USP21: variants seen among roughly 807,000 people sequenced by gnomAD.
USP21 encodes ubiquitin carboxyl-terminal hydrolase 21.
In USP21, 37 loss-of-function variants were observed where a neutral mutation model predicts 70.8. The ratio of observed to expected loss-of-function variants is 0.52; its 90% CI spans 0.40 to 0.69. The LOEUF (loss-of-function observed/expected upper bound fraction) is 0.69. Among genes scored for constraint, USP21 ranks in the 30% least tolerant of loss-of-function variants. The pLI, the probability that USP21 is intolerant of heterozygous loss-of-function variation, is 0.00. For synonymous variants in USP21, 263 were observed against 283.1 expected (o/e 0.93, Z 0.71); for missense variants, 584 against 740.8 (o/e 0.79, Z 2.46).
rs140487526 is a variant in USP21 at position 161,160,658 on chromosome 1, G to A, written c.18G>A (p.Glu6=). The A allele has an allele frequency of 9.4e-5, 152 of 1,613,290 alleles. No homozygotes were observed. Among genetic ancestry groups the A allele is most frequent in the Non-Finnish European group, 9.4e-5 (111 of 1,179,452 alleles). Residue 6 remains glutamate (E), a synonymous_variant, in exon 3 of 14, where the codon GAG becomes GAA. Coordinates refer to ENST00000368002, the MANE Select transcript of USP21 (RefSeq NM_001014443.3). MPQAS[E]HRLGRTREPP... is the part of the protein sequence containing the mutation. ...TGTCCACAATGCCCCAGGCCTCTGA[G>A]CACCGCCTGGGCCGTACCCGAGAGC...
chr1:161,165,162 T>G lies in USP21; in HGVS notation c.1607+19T>G. On this transcript the variant is annotated intron_variant, in intron 13 of 13. Coordinates refer to ENST00000368002, the MANE Select transcript of USP21 (RefSeq NM_001014443.3). ...ACTCTCGGTGAGAATAGCCTCCTAT[T>G]TACATCCTGCCCCATTCCCACTCAG... is the stretch of plus-strand genomic sequence containing the variant. 6.2e-7 allele frequency: 1 copy of G among 1,605,328 alleles called. No homozygotes were observed. The highest frequency in any genetic ancestry group is 8.5e-7 in the Non-Finnish European group (1 of 1,172,936).
In USP21 at chr1:161,164,720, C is replaced by G; in HGVS notation, c.1384+108C>G. 6.2e-7 allele frequency: 1 copy of G among 1,601,450 alleles called. No individual in the cohort carries two copies. The highest frequency in any genetic ancestry group is 8.5e-7 in the Non-Finnish European group (1 of 1,171,922). ...TTCCTTAGGAAAAGTCTGCCACCCA[C>G]TTTTCCACAAGATGCTCCCAGTGTG... is the stretch of plus-strand genomic sequence containing the variant. On this transcript the variant is annotated intron_variant, in intron 11 of 13. Coordinates refer to ENST00000368002, the MANE Select transcript of USP21 (RefSeq NM_001014443.3). This position sits in a 1 kb window ranked among gnomAD's most constrained non-coding sequence, Gnocchi z 4.2.
Position 161,162,689 on chromosome 1 carries a change from G to C in USP21, c.856G>C (p.Val286Leu). 1.2e-6 allele frequency: 2 copies of C among 1,614,146 alleles called. No homozygotes were observed. The highest frequency in any genetic ancestry group is 1.7e-6 in the Non-Finnish European group (2 of 1,179,984). ...TGTGAATCCTACTCGATTCCGAGCT[G>C]TCTTCCAGAAATATGTTCCCTCCTT... Reference protein sequence around the residue: ...EAVNPTRFRAVFQKYVPSFSG... With the variant: ...EAVNPTRFRALFQKYVPSFSG... The change falls in exon 6 of 14, where the codon GTC becomes CTC. Residue 286 changes from valine to leucine, a missense_variant. Transcript: ENST00000368002. This position sits in a 1 kb window ranked among gnomAD's most constrained non-coding sequence, Gnocchi z 4.1.
In USP21 at chr1:161,161,392, C is replaced by G. The variant is rs1355725533; in HGVS notation, c.600+152C>G. On this transcript the variant is annotated intron_variant, in intron 3 of 13. Coordinates refer to ENST00000368002, the MANE Select transcript of USP21 (RefSeq NM_001014443.3). This position sits in a 1 kb window ranked among gnomAD's most constrained non-coding sequence, Gnocchi z 4.2. ...CATGCCTCTCCCTTGCTTAAATACC[C>G]TTGAGCCTCCTAGACCCTTTTTTGG... The G allele has an allele frequency of 2.0e-6, 2 of 996,870 alleles. No individual in the cohort carries two copies. The highest frequency in any genetic ancestry group is 2.6e-5 in the East Asian group (1 of 39,050). 61.8% of individuals were successfully genotyped at this position (996,870 alleles called of 1,614,324 possible).
chr1:161,165,301 G>A (rs954951407), intron 13 of USP21, 56 bp from the exon 14 acceptor site: 4 of 1,548,188 alleles, frequency 2.6e-6, no homozygotes, highest in African/African-American at 2.7e-5. Flanking sequence ...GTCTTGTAGG[G>A]AGAAGGGAGT....
chr1:161,164,142 C>T lies in USP21; in HGVS notation c.1219-22C>T, dbSNP rs781505270. 6.2e-7 allele frequency: 1 copy of T among 1,612,354 alleles called. No homozygotes were observed. ...AAAAGGAAATTCAGAACATGTTGACCTTTCTTCCCCTTTTCCCCCAGAAAG... is the reference window on the plus strand; with the variant it reads ...AAAAGGAAATTCAGAACATGTTGACTTTTCTTCCCCTTTTCCCCCAGAAAG... On this transcript the variant is annotated intron_variant, in intron 9 of 13. Coordinates refer to ENST00000368002, the MANE Select transcript of USP21 (RefSeq NM_001014443.3). This position sits in a 1 kb window ranked among gnomAD's most constrained non-coding sequence, Gnocchi z 4.2.
chr1:161,161,395 G>A lies in USP21; in HGVS notation c.600+155G>A. The A allele has an allele frequency of 3.1e-6, 3 of 964,956 alleles. 1 individual carries two copies. The East Asian group carries it at 7.8e-5, about 25-fold the overall frequency. The allele number at this position is 964,956 out of a possible 1,614,324, so 59.8% of individuals were successfully genotyped here. A position where few individuals can be genotyped will look rare whatever the true frequency, so the allele number is the denominator to read the frequency against. Reference sequence around the variant, plus strand: ...GCCTCTCCCTTGCTTAAATACCCTTGAGCCTCCTAGACCCTTTTTTGGGTT... The same window carrying A: ...GCCTCTCCCTTGCTTAAATACCCTTAAGCCTCCTAGACCCTTTTTTGGGTT... On this transcript the variant is annotated intron_variant, in intron 3 of 13. Coordinates refer to ENST00000368002, the MANE Select transcript of USP21 (RefSeq NM_001014443.3). This position sits in a 1 kb window ranked among gnomAD's most constrained non-coding sequence, Gnocchi z 4.2.
In USP21 at chr1:161,160,900, G is replaced by A. The variant is rs776218601; in HGVS notation, c.260G>A (p.Gly87Glu). The A allele has an allele frequency of 1.9e-6, 3 of 1,614,214 alleles. No individual in the cohort carries two copies. Among genetic ancestry groups the A allele is most frequent in the Non-Finnish European group, 1.7e-6 (2 of 1,180,032 alleles). ...AGAGGCCCCCTTCGAGCAGATCATGGGGTTCCCCTGCCTGGCTCACCACCC... is the reference window on the plus strand; with the variant it reads ...AGAGGCCCCCTTCGAGCAGATCATGAGGTTCCCCTGCCTGGCTCACCACCC... Reference protein sequence around the residue: ...RPRGPLRADHGVPLPGSPPPT... With the variant: ...RPRGPLRADHEVPLPGSPPPT... The change falls in exon 3 of 14, where the codon GGG becomes GAG. Residue 87 changes from glycine to glutamate, a missense_variant. Physicochemically the swap from Gly to Glu is moderately conservative, Grantham distance 98. Transcript: ENST00000368002.
In USP21 at chr1:161,162,667, G is replaced by A. The variant is rs896162583; in HGVS notation, c.834G>A (p.Val278=). ...GGCACCCTGACTCCTGCGAAGCTGT[G>A]AATCCTACTCGATTCCGAGCTGTCT... ...ALWHPDSCEA[V]NPTRFRAVFQ... The change falls in exon 6 of 14, where the codon GTG becomes GTA. Residue 278 remains valine, a synonymous_variant. Coordinates refer to ENST00000368002, the MANE Select transcript of USP21 (RefSeq NM_001014443.3). This position sits in a 1 kb window ranked among gnomAD's most constrained non-coding sequence, Gnocchi z 4.1. 1.2e-6 allele frequency: 2 copies of A among 1,614,172 alleles called. No homozygotes were observed. Among genetic ancestry groups the A allele is most frequent in the South Asian group, 1.1e-5 (1 of 91,072 alleles).
rs1277152586 is a variant in USP21, at chr1:161,161,696, G to A, written c.601-342G>A. On this transcript the variant is annotated intron_variant, in intron 3 of 13. Coordinates refer to ENST00000368002, the MANE Select transcript of USP21 (RefSeq NM_001014443.3). The surrounding 1 kb of genome is among the most constrained non-coding windows in gnomAD (Gnocchi z 4.2). Reference sequence around the variant, plus strand: ...CAAGAAGGGGCCACGGGGGCAGGAGGGGGTTTTGGGGGCAGAAAGGTGGGA... The same window carrying A: ...CAAGAAGGGGCCACGGGGGCAGGAGAGGGTTTTGGGGGCAGAAAGGTGGGA... The A allele has an allele frequency of 1.3e-5, 6 of 445,596 alleles. No homozygotes were observed. Among genetic ancestry groups the A allele is most frequent in the Non-Finnish European group, 2.4e-5 (6 of 245,134 alleles). The allele number at this position is 445,596 out of a possible 1,614,324, so 27.6% of individuals were successfully genotyped here. A position where few individuals can be genotyped will look rare whatever the true frequency, so the allele number is the denominator to read the frequency against.
intron 1 of USP21, 37 bp downstream of exon 1, chr1:161,159,715 G>C (rs967046548): frequency 1.3e-5 from 2 of 152,400 alleles, no homozygotes; most frequent in African/African-American, 2.4e-5. Flanking sequence ...CGGGGTGTGG[G>C]GGGGCGCAGA....
intron 1 of USP21, among the ~76,000 whole-genome samples, 168 bp downstream of exon 1, chr1:161,159,846 T>A (rs1252900950): frequency 4.6e-5 from 7 of 152,150 alleles, no homozygotes. Context: ...CGCCGCCGGA[T>A]TCCGTAGCCA....
rs572042812 is a variant in USP21 at position 161,164,362 on chromosome 1, G to C, written c.1305+112G>C. 5.2e-6 allele frequency: 7 copies of C among 1,350,010 alleles called. No homozygotes were observed. The highest frequency in any genetic ancestry group is 6.3e-6 in the Non-Finnish European group (6 of 950,624). The allele number at this position is 1,350,010 out of a possible 1,614,324, so 83.6% of individuals were successfully genotyped here. ...TATGGGGAATAATATTTATGTATCT[G>C]GGTTTGTGTTGGAGTCTCAGATCTG... On this transcript the variant is annotated intron_variant, in intron 10 of 13. Transcript: ENST00000368002. The surrounding 1 kb of genome is among the most constrained non-coding windows in gnomAD (Gnocchi z 4.2).
chr1:161,161,111 C>T lies in USP21; in HGVS notation c.471C>T (p.Leu157=). ...EPPTLRRSTS[L]RRLGGFPGPP... ...CCACTTTGAGACGTAGCACTTCTCT[C>T]CGCCGCCTAGGGGGCTTTCCTGGAC... Residue 157 remains leucine (L), a synonymous_variant, in exon 3 of 14, where the codon CTC becomes CTT. Coordinates refer to ENST00000368002, the MANE Select transcript of USP21 (RefSeq NM_001014443.3). The surrounding 1 kb of genome is among the most constrained non-coding windows in gnomAD (Gnocchi z 4.2). 1.2e-6 allele frequency: 2 copies of T among 1,614,244 alleles called. No individual in the cohort carries two copies. Among genetic ancestry groups the T allele is most frequent in the Non-Finnish European group, 1.7e-6 (2 of 1,180,030 alleles).
Position 161,165,449 on chromosome 1 carries a change from A to G in USP21, c.*2A>G, listed in dbSNP as rs1658600475. On this transcript the variant is annotated 3_prime_UTR_variant, in exon 14 of 14. Transcript: ENST00000368002. ...CAGGAGCCACCCCGGTGCCTGTGAC[A>G]CCTCTAAGCTCTGGCACCTGTGAAG... 6.2e-7 allele frequency: 1 copy of G among 1,611,310 alleles called. No homozygotes were observed. The highest frequency in any genetic ancestry group is 1.3e-5 in the African/African-American group (1 of 74,258).
chr1:161,165,459 T>G lies in USP21; in HGVS notation c.*12T>G. The G allele has an allele frequency of 6.2e-7, 1 of 1,607,480 alleles. No individual in the cohort carries two copies. The highest frequency in any genetic ancestry group is 8.5e-7 in the Non-Finnish European group (1 of 1,174,576). On this transcript the variant is annotated 3_prime_UTR_variant, in exon 14 of 14. Coordinates refer to ENST00000368002, the MANE Select transcript of USP21 (RefSeq NM_001014443.3). ...CCCGGTGCCTGTGACACCTCTAAGC[T>G]CTGGCACCTGTGAAGCCCTTTAAAC...
At chr1:161,165,313 A>T (rs1658548526) in intron 13 of USP21, 44 bp from the exon 14 acceptor site, 1 of 1,582,722 alleles carries the variant, frequency 6.3e-7, no homozygotes, top group Non-Finnish European at 8.7e-7. Context: ...GAAGGGAGTA[A>T]ACAGGAATGA....
At position 161,165,559 on chromosome 1, in the gene USP21, G is replaced by T; in HGVS notation, c.*112G>T. On this transcript the variant is annotated 3_prime_UTR_variant, in exon 14 of 14. Transcript: ENST00000368002. ...GTCTTTTTAATCGGGGAGGGGGGAG[G>T]GGGTGGTTGTAGCTCCATTATTTTT... is the stretch of plus-strand genomic sequence containing the variant. The T allele has an allele frequency of 5.8e-6, 2 of 342,582 alleles. No individual in the cohort carries two copies. Among genetic ancestry groups the T allele is most frequent in the Non-Finnish European group, 1.1e-5 (2 of 177,060 alleles). 21.2% of individuals were successfully genotyped at this position (342,582 alleles called of 1,614,324 possible).
Position 161,163,662 on chromosome 1 carries a change from G to T in USP21, c.1114+43G>T, listed in dbSNP as rs777050870. 8.8e-6 allele frequency: 13 copies of T among 1,483,694 alleles called. No individual in the cohort carries two copies. In the Admixed American group the frequency reaches 1.2e-4, roughly 14 times the overall value. The allele number at this position is 1,483,694 out of a possible 1,614,324, so 91.9% of individuals were successfully genotyped here. On this transcript the variant is annotated intron_variant, in intron 8 of 13. Transcript: ENST00000368002. ...GCAATGAGGGAAAATTAGTGTGTGAGGGGGGTACAGGCTTGGGGGGAAAAA... is the reference window on the plus strand; with the variant it reads ...GCAATGAGGGAAAATTAGTGTGTGATGGGGGTACAGGCTTGGGGGGAAAAA...
Sources: allele counts gnomAD v4.1 joint callset (sites outside exome capture counted in the v4.1 genomes callset), GRCh38; gene constraint gnomAD v4.1.1; non-coding constraint Gnocchi (gnomAD v3.1); transcripts MANE v1.5; gene names NCBI Gene and HGNC (gene_info 2026-07-23, HGNC 2026-07-21).